Variants in RALYL observed in about 807,000 individuals in gnomAD.
RALYL encodes RNA-binding Raly-like protein.
Under a neutral mutation model 35.1 loss-of-function variants are expected in RALYL, and 29 were observed. The ratio of observed to expected loss-of-function variants is 0.83; its 90% CI spans 0.61 to 1.13. The LOEUF (loss-of-function observed/expected upper bound fraction) is 1.13, where lower values mean the gene tolerates loss of function less well. RALYL is among the 50% of genes most tolerant of loss of function. The pLI is 0.00. For synonymous variants in RALYL, 120 were observed against 127.6 expected (o/e 0.94, Z 0.40); for missense variants, 359 against 360.4 (o/e 1.00, Z 0.03).
At chr8:84,513,954 G>T (rs551088108) in intron 1 of RALYL, among the ~76,000 whole-genome samples, 1 of 151,866 alleles carries the variant, frequency 6.6e-6, no homozygotes, top group African/African-American at 2.4e-5. Context: ...AATTAGCCAG[G>T]CATGGTGGTG....
intron 1 of RALYL, among the ~76,000 whole-genome samples, chr8:84,197,042 A>G (rs527694287): frequency 1.3e-5 from 2 of 152,332 alleles, no homozygotes; most frequent in East Asian, 3.9e-4. Context: ...GTATTTGCCT[A>G]ACACCTAATT....
intron 1 of RALYL, among the ~76,000 whole-genome samples, chr8:84,205,168 T>C (rs1188018852): frequency 4.6e-5 from 7 of 152,240 alleles, no homozygotes; most frequent in African/African-American, 1.7e-4. Context: ...TAATAAAACA[T>C]ATGTTGTTAC....
At chr8:84,323,892 T>C (rs1845324832) in intron 1 of RALYL, among the ~76,000 whole-genome samples, 2 of 152,090 alleles carry the variant, frequency 1.3e-5, no homozygotes, top group African/African-American at 4.8e-5. Context: ...AATCACAGGG[T>C]TGAAATACTA....
intron 2 of RALYL, among the ~76,000 whole-genome samples, chr8:84,751,141 G>A (rs575178524): frequency 1.3e-5 from 2 of 152,200 alleles, no homozygotes; most frequent in South Asian, 4.1e-4. Flanking sequence ...TGACAAGTTG[G>A]TCAGCCTCTG....
intron 1 of RALYL, among the ~76,000 whole-genome samples, chr8:84,476,601 ACT>A (rs1321402668): frequency 6.6e-6 from 1 of 152,066 alleles, no homozygotes; most frequent in Non-Finnish European, 1.5e-5. Flanking sequence ...TCTCATATTT[ACT>A]CTCTCTTCTA....
chr8:84,635,261 A>G (rs998293991), intron 2 of RALYL, among the ~76,000 whole-genome samples: 1 of 151,880 alleles, frequency 6.6e-6, no homozygotes, highest in Non-Finnish European at 1.5e-5. Context: ...ATATGCTGGA[A>G]AAAGGTAAAA....
intron 1 of RALYL, among the ~76,000 whole-genome samples, chr8:84,330,938 C>A (rs185289467): frequency 1.3e-3 from 201 of 152,048 alleles, no homozygotes; most frequent in African/African-American, 4.4e-3. Flanking sequence ...AGGACTTGAG[C>A]CTGGCAGGAA....
chr8:84,405,639 C>T (rs1364767843), intron 1 of RALYL, among the ~76,000 whole-genome samples: 1 of 152,008 alleles, frequency 6.6e-6, no homozygotes, highest in African/African-American at 2.4e-5. Flanking sequence ...GACACATATA[C>T]CCTCTCAAGA....
At chr8:84,779,064 C>T (rs2133675441) in intron 3 of RALYL, among the ~76,000 whole-genome samples, 1 of 152,250 alleles carries the variant, frequency 6.6e-6, no homozygotes, top group South Asian at 2.1e-4. Context: ...CATTTGTGAA[C>T]ATTTCATAAA....
intron 2 of RALYL, among the ~76,000 whole-genome samples, chr8:84,685,678 AG>A (rs1836608826): frequency 6.6e-6 from 1 of 152,190 alleles, no homozygotes; most frequent in Non-Finnish European, 1.5e-5. Flanking sequence ...TAAAAAACAC[AG>A]GGCTAATGAT....
intron 4 of RALYL, among the ~76,000 whole-genome samples, chr8:84,806,422 C>G (rs1824613073): frequency 6.6e-6 from 1 of 152,094 alleles, no homozygotes; most frequent in Admixed American, 6.5e-5. Flanking sequence ...TTCTGTGCAG[C>G]CTTTACTGTT....
At chr8:84,242,619 T>C (rs546913998) in intron 1 of RALYL, among the ~76,000 whole-genome samples, 1 of 152,370 alleles carries the variant, frequency 6.6e-6, no homozygotes, top group South Asian at 2.1e-4. Context: ...GTTTGTTGGC[T>C]GCATGAATGT....
intron 2 of RALYL, among the ~76,000 whole-genome samples, chr8:84,649,773 T>A (rs1160009009): frequency 6.6e-6 from 1 of 152,136 alleles, no homozygotes; most frequent in East Asian, 1.9e-4. Flanking sequence ...GGCTCTTTTT[T>A]GGTTGCATAT....
chr8:84,626,582 C>T (rs1375057173), intron 2 of RALYL, among the ~76,000 whole-genome samples: 2 of 152,120 alleles, frequency 1.3e-5, no homozygotes, highest in African/African-American at 2.4e-5. Flanking sequence ...TATTCAGAAC[C>T]AGCTTCAGAT....
chr8:84,191,248 A>G (rs1359153659), intron 1 of RALYL, among the ~76,000 whole-genome samples: 1 of 151,856 alleles, frequency 6.6e-6, no homozygotes, highest in African/African-American at 2.4e-5. Flanking sequence ...GAAGACCAGT[A>G]GGAAGTTTTT....
chr8:84,755,780 G>T (rs910362108), intron 2 of RALYL, among the ~76,000 whole-genome samples: 1 of 151,792 alleles, frequency 6.6e-6, no homozygotes, highest in South Asian at 2.1e-4. Context: ...CTACAATATT[G>T]TGCCTAAAAT....
intron 2 of RALYL, among the ~76,000 whole-genome samples, chr8:84,705,387 G>A (rs990786315): frequency 6.6e-6 from 1 of 152,130 alleles, no homozygotes. Flanking sequence ...CAACAAGCCT[G>A]AGAACCTATT....
intron 1 of RALYL, among the ~76,000 whole-genome samples, chr8:84,358,797 G>A (rs1311682315): frequency 1.3e-5 from 2 of 152,010 alleles, no homozygotes; most frequent in African/African-American, 4.8e-5. Context: ...TGTCTTAGAT[G>A]TGGATAACAA....
chr8:84,229,789 A>T (rs567040493), intron 1 of RALYL, among the ~76,000 whole-genome samples: 3 of 152,296 alleles, frequency 2.0e-5, no homozygotes, highest in Admixed American at 6.5e-5. Flanking sequence ...TGAAAATATA[A>T]ATTATGTGAC....
Sources: gnomAD v4.1 joint callset for allele counts (sites outside exome capture counted in the v4.1 genomes callset) on GRCh38, gnomAD v4.1.1 for gene constraint, MANE v1.5 for transcripts, NCBI Gene and HGNC (gene_info 2026-07-23, HGNC 2026-07-21) for gene names.